CDCP2: variants seen among roughly 807,000 people sequenced by gnomAD.
CDCP2 encodes the protein CUB domain containing protein 2.
Under a neutral mutation model 31.0 loss-of-function variants are expected in CDCP2, and 31 were observed. That is an observed-to-expected ratio of 1.00 (90% CI 0.75 to 1.35). CDCP2 has a LOEUF of 1.35. Among genes scored for constraint, CDCP2 ranks in the 40% most tolerant of loss-of-function variants. The pLI is 0.00. For synonymous variants in CDCP2, 206 were observed against 207.9 expected (o/e 0.99, Z 0.08); for missense variants, 443 against 482.6 (o/e 0.92, Z 0.77).
At chr1:54,148,988 TA>T (rs1179007773) in intron 1 of CDCP2, among the ~76,000 whole-genome samples, 1 of 145,562 alleles carries the variant, frequency 6.9e-6, no homozygotes, top group African/African-American at 2.5e-5. Flanking sequence ...TATATATATA[TA>T]ATATATAATA....
intron 1 of CDCP2, among the ~76,000 whole-genome samples, chr1:54,151,073 CA>C (rs1179159150): frequency 2.0e-5 from 3 of 151,962 alleles, no homozygotes; most frequent in African/African-American, 7.3e-5. Context: ...CAAGGAGGGG[CA>C]AGATTTCCAG....
At chr1:54,140,446 G>A in intron 3 of CDCP2, 2 of 385,848 alleles carry the variant, frequency 5.2e-6, no homozygotes, top group South Asian at 4.5e-5. Context: ...AGATGATGTG[G>A]TTCATGCCTG....
intron 2 of CDCP2, chr1:54,141,873 A>C (rs4927061): frequency 6.3e-6 from 1 of 158,900 alleles, no homozygotes; most frequent in Admixed American, 6.1e-5. Flanking sequence ...CTTGGGGGGA[A>C]CTCTGGGGAC....
At position 54,133,803 on chromosome 1, in the gene CDCP2, C is replaced by G. The variant is rs576985498; in HGVS notation, c.1297-509G>C. Among the ~76,000 whole-genome samples, 211 of 151,760 alleles carry G rather than the reference C, an allele frequency of 1.4e-3. 1 individual carries two copies. The highest frequency in any genetic ancestry group is 1.6e-3 in the Non-Finnish European group (106 of 67,950). On this transcript the variant is annotated intron_variant, in intron 5 of 5. Transcript: ENST00000530059. ...CCCAGCTACTCGGGAGGCTGAGGCACGAGAATGGCATGAACCCGGGAGGTG... is the reference window on the plus strand; with the variant it reads ...CCCAGCTACTCGGGAGGCTGAGGCAGGAGAATGGCATGAACCCGGGAGGTG...
chr1:54,150,161 G>C (rs1164012167), intron 1 of CDCP2, among the ~76,000 whole-genome samples: 2 of 152,236 alleles, frequency 1.3e-5, no homozygotes, highest in Non-Finnish European at 2.9e-5. Context: ...TGTGCTCCAG[G>C]CTAGGCCAGA....
chr1:54,152,642 C>A (rs1659603167), intron 1 of CDCP2, among the ~76,000 whole-genome samples: 1 of 152,218 alleles, frequency 6.6e-6, no homozygotes, highest in Non-Finnish European at 1.5e-5. Context: ...TAAATGCAAC[C>A]TACATGTGAA....
At chr1:54,133,827 T>C (rs1317980797) in intron 5 of CDCP2, among the ~76,000 whole-genome samples, 2 of 149,380 alleles carry the variant, frequency 1.3e-5, no homozygotes, top group East Asian at 2.0e-4. Flanking sequence ...ACCCGGGAGG[T>C]GGAGCTTGCA....
chr1:54,133,756 C>T (rs1269684188), intron 5 of CDCP2, among the ~76,000 whole-genome samples: 7 of 151,690 alleles, frequency 4.6e-5, no homozygotes, highest in South Asian at 2.1e-4. Flanking sequence ...ATTAGCCGGG[C>T]GTGATGGTGT....
At chr1:54,138,567 G>C (rs1659300159) in intron 4 of CDCP2, 1 of 152,270 alleles carries the variant, frequency 6.6e-6, no homozygotes, top group Non-Finnish European at 1.5e-5. Context: ...CTTGGATCCA[G>C]GCATTGTGAC....
intron 2 of CDCP2, among the ~76,000 whole-genome samples, chr1:54,143,208 C>T (rs1231758760): frequency 3.9e-5 from 6 of 152,070 alleles, no homozygotes; most frequent in African/African-American, 7.2e-5. Context: ...TGGTGGGTGG[C>T]GCGCGCCTGT....
intron 5 of CDCP2, among the ~76,000 whole-genome samples, chr1:54,136,146 G>A (rs1354342363): frequency 1.3e-5 from 2 of 152,204 alleles, no homozygotes; most frequent in African/African-American, 4.8e-5. Flanking sequence ...GCCCAGGAAT[G>A]GATTTGGATC....
chr1:54,140,143 G>A (rs758976727), intron 3 of CDCP2, 37 bp from the exon 4 acceptor site: 2 of 1,585,572 alleles, frequency 1.3e-6, no homozygotes, highest in African/African-American at 1.3e-5. Flanking sequence ...GAGCAACAGT[G>A]AGGGGAGAGG....
In CDCP2 at chr1:54,144,608, T is replaced by TGA; in HGVS notation, c.283_284dup (p.Pro96HisfsTer55). 1 of 1,614,184 alleles carries TGA rather than the reference T, an allele frequency of 6.2e-7. No homozygotes were observed. ...TCCCCAGCAGGTTGCCCTTGTCTGG[T>TGA]GAGGCCCCATTGTAGATCTCCAGAA... On this transcript the variant is annotated frameshift_variant, in exon 2 of 6. Transcript: ENST00000530059. LOFTEE classifies it high-confidence loss of function.
chr1:54,139,564 G>T, intron 4 of CDCP2, 189 bp downstream of exon 4: 1 of 1,613,736 alleles, frequency 6.2e-7, no homozygotes, highest in Non-Finnish European at 8.5e-7. Context: ...AAACAAGCGG[G>T]AGCCGTACCG....
intron 4 of CDCP2, chr1:54,138,384 G>A (rs1451445841): frequency 6.6e-6 from 1 of 152,296 alleles, no homozygotes; most frequent in African/African-American, 2.4e-5. Context: ...CTTGCATGTG[G>A]AGCCCACTAA....
intron 5 of CDCP2, among the ~76,000 whole-genome samples, chr1:54,135,379 A>G (rs911071711): frequency 6.6e-6 from 1 of 152,218 alleles, no homozygotes; most frequent in African/African-American, 2.4e-5. Context: ...AAGCAACTCT[A>G]TGCAAAGACT....
chr1:54,146,004 T>C (rs1296694302), intron 1 of CDCP2, among the ~76,000 whole-genome samples: 1 of 152,144 alleles, frequency 6.6e-6, no homozygotes, highest in Non-Finnish European at 1.5e-5. Context: ...ACAGTCCTAG[T>C]GGGATATATC....
At chr1:54,148,088 T>C (rs559059582) in intron 1 of CDCP2, among the ~76,000 whole-genome samples, 1 of 151,886 alleles carries the variant, frequency 6.6e-6, no homozygotes, top group South Asian at 2.1e-4. Context: ...CAGACAACAT[T>C]ATCAAACCCT....
At chr1:54,140,549 C>T (rs76715994) in intron 3 of CDCP2, 9,312 of 240,942 alleles carry the variant, frequency 0.039, 242 homozygotes, top group Admixed American at 0.084. Context: ...GCTGTTCCTC[C>T]TGCTTGGAAT....
Sources: allele counts gnomAD v4.1 joint callset (sites outside exome capture counted in the v4.1 genomes callset), GRCh38; gene constraint gnomAD v4.1.1; transcripts MANE v1.5; gene names NCBI Gene and HGNC (gene_info 2026-07-23, HGNC 2026-07-21).